The following TRPM8 variants were observed in gnomAD, a reference collection of about 807,000 sequenced individuals.
The protein encoded by TRPM8 is TRPM8 cationic channel.
A neutral mutation model predicts 133.7 loss-of-function variants in TRPM8; 110 were observed. The observed-to-expected ratio is 0.82, with a 90% CI of 0.70 to 0.96. TRPM8 has a LOEUF of 0.96. Among genes scored for constraint, TRPM8 ranks in the 40% least tolerant of loss-of-function variants. The pLI is 0.00. For synonymous variants in TRPM8, 535 were observed against 532.3 expected (o/e 1.01, Z -0.07); for missense variants, 1,291 against 1,379.5 (o/e 0.94, Z 1.02).
At chr2:233,981,535 C>G (rs180871813) in intron 18 of TRPM8, among the ~76,000 whole-genome samples, 8 of 152,134 alleles carry the variant, frequency 5.3e-5, no homozygotes, top group South Asian at 2.1e-4. Context: ...AGACAGGAAC[C>G]TCCGAGAGCT....
chr2:233,991,060 G>A (rs17864758), intron 21 of TRPM8, among the ~76,000 whole-genome samples: 1,976 of 152,230 alleles, frequency 0.013, 24 homozygotes, highest in Non-Finnish European at 0.021. Flanking sequence ...GAAAGATCAT[G>A]TACCCAGAGC....
intron 3 of TRPM8, 167 bp from the exon 4 acceptor site, chr2:233,937,186 G>T (rs149057580): frequency 1.3e-6 from 1 of 789,156 alleles, no homozygotes. Context: ...GTGAGCCACC[G>T]CACCCGTCCA....
rs1238867510 is a variant in TRPM8 at position 233,942,857 on chromosome 2, G to A, written c.699+109G>A. 5 of 1,360,198 alleles carry A rather than the reference G, an allele frequency of 3.7e-6. No individual in the cohort carries two copies. In the African/African-American group the frequency reaches 5.7e-5, roughly 16 times the overall value. 84.3% of individuals were successfully genotyped at this position (1,360,198 alleles called of 1,614,324 possible). A position where few individuals can be genotyped will look rare whatever the true frequency, so the allele number is the denominator to read the frequency against. ...TGTGATGGAGCCAGCCAGATCATGG[G>A]GAAGTCTGCCTTTCAAGGAGTGCCT... On this transcript the variant is annotated intron_variant, in intron 6 of 25. Coordinates refer to ENST00000324695, the MANE Select transcript of TRPM8 (RefSeq NM_024080.5).
intron 12 of TRPM8, among the ~76,000 whole-genome samples, chr2:233,961,640 T>C (rs866893435): frequency 1.5e-5 from 2 of 135,018 alleles, no homozygotes; most frequent in East Asian, 6.5e-4. Flanking sequence ...CTTTTTTTTT[T>C]TTTTTTTGAG....
Position 234,017,513 on chromosome 2 carries a change from T to C in TRPM8, c.*257T>C. 1 of 379,642 alleles carries C rather than the reference T, an allele frequency of 2.6e-6. No homozygotes were observed. Among genetic ancestry groups the C allele is most frequent in the South Asian group, 2.0e-5 (1 of 49,512 alleles). 23.5% of individuals were successfully genotyped at this position (379,642 alleles called of 1,614,324 possible). A position where few individuals can be genotyped will look rare whatever the true frequency, so the allele number is the denominator to read the frequency against. On this transcript the variant is annotated 3_prime_UTR_variant, in exon 26 of 26. Transcript: ENST00000324695. ...AGAATGGTGCCTGTTTCTCTCTGTG[T>C]CTCAATGCCTGGGACTGGAGGTTGA...
chr2:233,946,680 A>G (rs1445465181), intron 7 of TRPM8, among the ~76,000 whole-genome samples: 1 of 152,242 alleles, frequency 6.6e-6, no homozygotes. Context: ...GACATACATG[A>G]AAGAAGAAAC....
In TRPM8 at chr2:233,927,779, TTTCTTTCTTTCTTTTCTTTCCTTCCTTCC is replaced by T. The variant is rs1454123111; in HGVS notation, c.117+1129_117+1157del. On this transcript the variant is annotated intron_variant, in intron 2 of 25. Coordinates refer to ENST00000324695, the MANE Select transcript of TRPM8 (RefSeq NM_024080.5). ...CTTTCTTTCTTTCTTTCTTTCTTTC[TTTCTTTCTTTCTTTTCTTTCCTTCCTTCC>T]TTCCTTCCTTCCTTCCTTCCTTCCT... Among the ~76,000 whole-genome samples, 179 of 41,314 alleles carry T rather than the reference TTTCTTTCTTTCTTTTCTTTCCTTCCTTCC, an allele frequency of 4.3e-3. 19 individuals carry two copies. Among genetic ancestry groups the T allele is most frequent in the African/African-American group, 0.036 (123 of 3,414 alleles). The allele number at this position is 41,314 out of a possible 152,430, so 27.1% of individuals were successfully genotyped here.
At chr2:233,987,210 G>A (rs868396725) in intron 21 of TRPM8, among the ~76,000 whole-genome samples, 30 of 152,242 alleles carry the variant, frequency 2.0e-4, no homozygotes, top group African/African-American at 5.3e-4. Context: ...ATATTATGCC[G>A]CTCTTAAAAG....
chr2:233,943,067 CTTTTTTTTTTT>C, intron 6 of TRPM8: 1 of 177,740 alleles, frequency 5.6e-6, no homozygotes. Context: ...ACTGCAGTAT[CTTTTTTTTTTT>C]TTTTTTTTTA....
intron 21 of TRPM8, among the ~76,000 whole-genome samples, chr2:233,990,439 A>T (rs143857402): frequency 2.6e-5 from 4 of 152,318 alleles, no homozygotes; most frequent in Non-Finnish European, 2.9e-5. Context: ...AATTTGCATG[A>T]TTATTCATGA....
At chr2:233,999,124 A>G (rs964632544) in intron 22 of TRPM8, among the ~76,000 whole-genome samples, 3 of 151,458 alleles carry the variant, frequency 2.0e-5, no homozygotes, top group East Asian at 1.9e-4. Context: ...TTATTTGCCC[A>G]TGATTCTGTG....
At chr2:233,969,559 T>C (rs1691655740) in intron 15 of TRPM8, 136 bp from the exon 16 acceptor site, 1 of 638,614 alleles carries the variant, frequency 1.6e-6, no homozygotes. Context: ...AGGCAACTGG[T>C]ATAAAAGAAT....
At position 233,939,183 on chromosome 2, in the gene TRPM8, TG is replaced by T; in HGVS notation, c.526+11del. On this transcript the variant is annotated intron_variant, in intron 5 of 25. Transcript: ENST00000324695. Reference sequence around the variant, plus strand: ...ACATCGCGCAGTCCAAAGGTGAGGGTGGGAGCAGCGACCGCGGGTTCTTCCA... The same window carrying T: ...ACATCGCGCAGTCCAAAGGTGAGGGTGGAGCAGCGACCGCGGGTTCTTCCA... 6.2e-7 allele frequency: 1 copy of T among 1,612,360 alleles called. No homozygotes were observed. The highest frequency in any genetic ancestry group is 8.5e-7 in the Non-Finnish European group (1 of 1,178,928).
At chr2:233,969,457 A>C (rs1691653030) in intron 15 of TRPM8, among the ~76,000 whole-genome samples, 1 of 152,200 alleles carries the variant, frequency 6.6e-6, no homozygotes, top group African/African-American at 2.4e-5. Context: ...ATTGCACTCC[A>C]GCCTGGGCAG....
chr2:233,944,719 C>T (rs1691000659), intron 6 of TRPM8, among the ~76,000 whole-genome samples: 1 of 151,996 alleles, frequency 6.6e-6, no homozygotes, highest in African/African-American at 2.4e-5. Context: ...AAGCTGCACT[C>T]AAAGTGAAAT....
At position 233,926,582 on chromosome 2, in the gene TRPM8, TGACACTCTGGACA is replaced by T; in HGVS notation, c.47_59del (p.Asp16AlafsTer23). ...GGCTCAGCATGAGGAACAGAAGGAA[TGACACTCTGGACA>T]GCACCCGGACCCTGTACTCCAGCGC... On this transcript the variant is annotated frameshift_variant, in exon 2 of 26. Transcript: ENST00000324695. LOFTEE classifies it high-confidence loss of function. 6.2e-7 allele frequency: 1 copy of T among 1,614,086 alleles called. No individual in the cohort carries two copies.
rs1023331112 is a variant in TRPM8 at position 234,019,411 on chromosome 2, C to T, written c.*2155C>T. On this transcript the variant is annotated 3_prime_UTR_variant, in exon 26 of 26. Transcript: ENST00000324695. ...TTGAACATACTTCTAATCAAAGGTG[C>T]TATGTCCTTGTGTATGGTACTAAAT... 6.6e-6 allele frequency: 1 copy of T among 152,156 alleles called. No individual in the cohort carries two copies. Among genetic ancestry groups the T allele is most frequent in the Non-Finnish European group, 1.5e-5 (1 of 68,028 alleles). The allele number at this position is 152,156 out of a possible 1,614,324, so 9.4% of individuals were successfully genotyped here. A position where few individuals can be genotyped will look rare whatever the true frequency, so the allele number is the denominator to read the frequency against.
In TRPM8 at chr2:233,939,000, TA is replaced by T. The variant is rs1038219679; in HGVS notation, c.352del (p.Ile118TyrfsTer16). 12 of 1,614,082 alleles carry T rather than the reference TA, an allele frequency of 7.4e-6. No individual in the cohort carries two copies. The highest frequency in any genetic ancestry group is 2.7e-5 in the African/African-American group (2 of 74,924). ...FETLGKKGKY[I>X]RLSCDTDAEI... ...TACTTCTGCTTCTCTCCCCATAGTA[TA>T]TACGTCTGTCCTGCGACACGGACGC... On this transcript the variant is annotated frameshift_variant, in exon 5 of 26. Coordinates refer to ENST00000324695, the MANE Select transcript of TRPM8 (RefSeq NM_024080.5). LOFTEE classifies it high-confidence loss of function.
At chr2:234,012,244 T>C (rs1692857973) in intron 24 of TRPM8, among the ~76,000 whole-genome samples, 1 of 150,888 alleles carries the variant, frequency 6.6e-6, no homozygotes, top group African/African-American at 2.4e-5. Context: ...GCCTCCTGGG[T>C]TCAAGCGATT....
Sources: gnomAD v4.1 joint callset for allele counts (sites outside exome capture counted in the v4.1 genomes callset) on GRCh38, gnomAD v4.1.1 for gene constraint, MANE v1.5 for transcripts, NCBI Gene and HGNC (gene_info 2026-07-23, HGNC 2026-07-21) for gene names.